THSD7A: variants seen among roughly 807,000 people sequenced by gnomAD.
THSD7A encodes the protein thrombospondin type-1 domain-containing protein 7A.
Under a neutral mutation model 231.3 loss-of-function variants are expected in THSD7A, and 96 were observed. That is an observed-to-expected ratio of 0.41 (90% CI 0.35 to 0.49). The LOEUF is 0.49. THSD7A is among the 20% of genes least tolerant of loss of function. The probability of loss-of-function intolerance (pLI) is 0.05; values close to 1 mark genes in which losing one functional copy is unlikely to be tolerated. For missense variants in THSD7A, 2,290 were observed against 2,070.2 expected, an observed-to-expected ratio of 1.11 and a Z score of -2.06; for synonymous variants, 940 against 743.3, an observed-to-expected ratio of 1.26 and a Z score of -4.30.
At chr7:11,378,529 T>G (rs1325248489) in intron 26 of THSD7A, among the ~76,000 whole-genome samples, 1 of 152,222 alleles carries the variant, frequency 6.6e-6, no homozygotes, top group Non-Finnish European at 1.5e-5. Context: ...AAGGCTCCAT[T>G]GTCTCCCTGT....
rs1374750443 is a variant in THSD7A at position 11,385,570 on chromosome 7, TAA to T, written c.4412-2956_4412-2955del. ...TTTCTGTTAATGTGATAAATTACATTAAGAGATTTTATTAATATTTGGTTATC... is the reference window on the plus strand; with the variant it reads ...TTTCTGTTAATGTGATAAATTACATTGAGATTTTATTAATATTTGGTTATC... On this transcript the variant is annotated intron_variant, in intron 23 of 27. Coordinates refer to ENST00000423059, the MANE Select transcript of THSD7A (RefSeq NM_015204.3). The T allele has an allele frequency of 3.3e-5, 5 of 151,998 alleles. No homozygotes were observed. The East Asian group carries it at 5.8e-4, about 18-fold the overall frequency. 9.4% of individuals were successfully genotyped at this position (151,998 alleles called of 1,614,324 possible). A position where few individuals can be genotyped will look rare whatever the true frequency, so the allele number is the denominator to read the frequency against.
intron 6 of THSD7A, among the ~76,000 whole-genome samples, chr7:11,534,437 G>A (rs1788831806): frequency 6.6e-6 from 1 of 152,136 alleles, no homozygotes; most frequent in African/African-American, 2.4e-5. Context: ...CTAGCTTATT[G>A]GAGGATGAGA....
intron 2 of THSD7A, among the ~76,000 whole-genome samples, chr7:11,614,122 T>C (rs1426137609): frequency 6.6e-6 from 1 of 152,154 alleles, no homozygotes; most frequent in Non-Finnish European, 1.5e-5. Context: ...AGCAAATATA[T>C]GGTATTATTC....
At chr7:11,661,110 A>G (rs74608356) in intron 1 of THSD7A, among the ~76,000 whole-genome samples, 15,305 of 151,382 alleles carry the variant, frequency 0.1, 982 homozygotes, top group Non-Finnish European at 0.15. Flanking sequence ...AGAAGTAACC[A>G]TGGTAAGTAA....
chr7:11,716,246 A>T, intron 1 of THSD7A, among the ~76,000 whole-genome samples: 1 of 151,096 alleles, frequency 6.6e-6, no homozygotes, highest in Non-Finnish European at 1.5e-5. Flanking sequence ...TTCTTCCTCC[A>T]ACTCTCTCCA....
Position 11,547,220 on chromosome 7 carries a change from T to C in THSD7A, c.1454-4103A>G, listed in dbSNP as rs148734036. Among the ~76,000 whole-genome samples, 581 of 152,292 alleles carry C rather than the reference T, an allele frequency of 3.8e-3. 2 individuals carry two copies. The highest frequency in any genetic ancestry group is 0.01 in the Middle Eastern group (3 of 294). On this transcript the variant is annotated intron_variant, in intron 4 of 27. Transcript: ENST00000423059. The stretch of plus-strand genomic sequence containing the variant: ...AAAACACACTTAAGTACACAGATTA[T>C]TGACACTATAAAGCAACTACAAAAA...
At chr7:11,780,253 C>T (rs538336105) in intron 1 of THSD7A, among the ~76,000 whole-genome samples, 1 of 152,252 alleles carries the variant, frequency 6.6e-6, no homozygotes, top group South Asian at 2.1e-4. Context: ...CTTTTAATAC[C>T]ATCACATTAT....
At chr7:11,407,487 G>C in intron 19 of THSD7A, 64 bp from the exon 20 acceptor site, 3 of 1,241,712 alleles carry the variant, frequency 2.4e-6, no homozygotes. Flanking sequence ...AGAGAATGAG[G>C]TGACAAGAAA....
chr7:11,437,997 C>T (rs1032192108), intron 13 of THSD7A, among the ~76,000 whole-genome samples: 8 of 149,020 alleles, frequency 5.4e-5, no homozygotes, highest in East Asian at 2.0e-4. Flanking sequence ...AGTTCATCCA[C>T]GATGTATTCC....
At chr7:11,736,802 A>C (rs1262450715) in intron 1 of THSD7A, among the ~76,000 whole-genome samples, 1 of 152,128 alleles carries the variant, frequency 6.6e-6, no homozygotes, top group East Asian at 1.9e-4. Flanking sequence ...TGGTTTGACC[A>C]TGGCCCCACC....
intron 1 of THSD7A, among the ~76,000 whole-genome samples, chr7:11,765,890 ATC>A (rs1272293299): frequency 6.6e-6 from 1 of 152,160 alleles, no homozygotes; most frequent in East Asian, 1.9e-4. Context: ...AAAAATAATT[ATC>A]TGAGTCTGAA....
chr7:11,560,148 AAAGC>A (rs1255747239), intron 4 of THSD7A, among the ~76,000 whole-genome samples: 3 of 152,214 alleles, frequency 2.0e-5, no homozygotes, highest in Non-Finnish European at 4.4e-5. Flanking sequence ...AGAAAGTGAA[AAAGC>A]AAGCCGAAGA....
At chr7:11,815,157 T>C (rs1045323743) in intron 1 of THSD7A, among the ~76,000 whole-genome samples, 1 of 152,038 alleles carries the variant, frequency 6.6e-6, no homozygotes, top group Admixed American at 6.6e-5. Context: ...AGACCTGATA[T>C]GATTGTCAAA....
intron 6 of THSD7A, among the ~76,000 whole-genome samples, chr7:11,511,327 A>T (rs1175463352): frequency 6.6e-6 from 1 of 152,224 alleles, no homozygotes; most frequent in Non-Finnish European, 1.5e-5. Flanking sequence ...ATGGATAGGA[A>T]GAATCCATAT....
intron 2 of THSD7A, among the ~76,000 whole-genome samples, chr7:11,626,144 A>G (rs907685821): frequency 6.6e-6 from 1 of 152,140 alleles, no homozygotes; most frequent in African/African-American, 2.4e-5. Flanking sequence ...TTAAAATACT[A>G]CCTAGGACCC....
chr7:11,666,758 T>C (rs187153407), intron 1 of THSD7A, among the ~76,000 whole-genome samples: 154 of 151,494 alleles, frequency 1.0e-3, no homozygotes, highest in Admixed American at 1.7e-3. Context: ...ATAAAACATA[T>C]CTAAAAGCAT....
rs542037234 is a variant in THSD7A, at chr7:11,441,047, G to A, written c.3064+5014C>T. Among the ~76,000 whole-genome samples, 6 of 152,094 alleles carry A rather than the reference G, an allele frequency of 3.9e-5. No individual in the cohort carries two copies. In the South Asian group the frequency reaches 8.3e-4, roughly 21 times the overall value. On this transcript the variant is annotated intron_variant, in intron 13 of 27. Transcript: ENST00000423059. The stretch of plus-strand genomic sequence containing the variant: ...CCCAAAGTATAGAAACCACTGCAAC[G>A]CCAGTAGGTTGTAACTCTTTATCTG...
intron 1 of THSD7A, among the ~76,000 whole-genome samples, chr7:11,773,479 GAA>G (rs1330785577): frequency 6.6e-6 from 1 of 151,996 alleles, no homozygotes; most frequent in African/African-American, 2.4e-5. Context: ...GGGGTGAGCT[GAA>G]ATCGAGCCAT....
intron 1 of THSD7A, among the ~76,000 whole-genome samples, chr7:11,721,275 A>T (rs1402651833): frequency 6.6e-6 from 1 of 151,698 alleles, no homozygotes; most frequent in African/African-American, 2.4e-5. Flanking sequence ...GTAATCCCCA[A>T]TGTTGGAGGA....
Sources: allele counts gnomAD v4.1 joint callset (sites outside exome capture counted in the v4.1 genomes callset), GRCh38; gene constraint gnomAD v4.1.1; transcripts MANE v1.5; gene names NCBI Gene and HGNC (gene_info 2026-07-23, HGNC 2026-07-21).